Variants in N4BP3 observed in about 807,000 individuals in gnomAD.
N4BP3 encodes NEDD4 binding protein 3.
A neutral mutation model predicts 43.8 loss-of-function variants in N4BP3; 33 were observed. The ratio of observed to expected loss-of-function variants is 0.75; its 90% CI spans 0.57 to 1.01. The LOEUF (loss-of-function observed/expected upper bound fraction) is 1.01, where lower values mean the gene tolerates loss of function less well. Among genes scored for constraint, N4BP3 ranks in the 50% least tolerant of loss-of-function variants. The pLI, the probability that N4BP3 is intolerant of heterozygous loss-of-function variation, is 0.00. For missense variants in N4BP3, 756 were observed against 744.2 expected, an observed-to-expected ratio of 1.02 and a Z score of -0.18; for synonymous variants, 326 against 321.9, an observed-to-expected ratio of 1.01 and a Z score of -0.14.
At position 178,122,716 on chromosome 5, in the gene N4BP3, T is replaced by C. The variant is rs1019384391; in HGVS notation, c.*715T>C. 5 of 152,192 alleles carry C rather than the reference T, an allele frequency of 3.3e-5. No individual in the cohort carries two copies. The highest frequency in any genetic ancestry group is 7.3e-5 in the Non-Finnish European group (5 of 68,058). The allele number at this position is 152,192 out of a possible 1,614,324, so 9.4% of individuals were successfully genotyped here. ...AGTCAACCAAGGCATTTTGAGAACA[T>C]GAAATGTCTTCTTGGTGGGAAGGCT... On this transcript the variant is annotated 3_prime_UTR_variant, in exon 5 of 5. Transcript: ENST00000274605.
chr5:178,126,789 T>C (rs1758073821), downstream of N4BP3, among the ~76,000 whole-genome samples: 1 of 152,166 alleles, frequency 6.6e-6, no homozygotes, highest in Non-Finnish European at 1.5e-5. Flanking sequence ...GGTGATACCA[T>C]CTCTTCTGAG....
chr5:178,121,137 A>G lies in N4BP3; in HGVS notation c.892A>G (p.Lys298Glu), dbSNP rs1221304653. Reference protein sequence around the residue: ...ERQRLWLAELKRLYVERLHEV... With the variant: ...ERQRLWLAELERLYVERLHEV... ...CCAGCGGCTGTGGCTGGCTGAGCTG[A>G]AGCGCCTGTATGTGGAGCGGCTGCA... The change falls in exon 4 of 5, where the codon AAG becomes GAG. Residue 298 changes from lysine (K) to glutamate (E), a missense_variant. Lys to Glu is a moderately conservative substitution (Grantham distance 56). Transcript: ENST00000274605. The G allele has an allele frequency of 2.5e-6, 4 of 1,599,404 alleles. No individual in the cohort carries two copies. The Admixed American group carries it at 5.0e-5, about 20-fold the overall frequency.
Position 178,120,317 on chromosome 5 carries a change from C to G in N4BP3, c.470C>G (p.Pro157Arg). 6.2e-7 allele frequency: 1 copy of G among 1,608,146 alleles called. No individual in the cohort carries two copies. The highest frequency in any genetic ancestry group is 2.2e-5 in the East Asian group (1 of 44,778). ...GSLHTLACHP[P>R]LSPGPRASQA... ...CTGCACACGCTGGCCTGCCACCCGC[C>G]CCTGAGCCCCGGGCCCCGGGCCAGC... The change falls in exon 3 of 5, where the codon CCC (proline) becomes CGC (arginine). Residue 157 changes from proline (P) to arginine (R), a missense_variant. By Grantham distance (103) the Pro-to-Arg change is moderately radical. Coordinates refer to ENST00000274605, the MANE Select transcript of N4BP3 (RefSeq NM_015111.2).
At chr5:178,114,381 G>A (rs982580301) in intron 1 of N4BP3, among the ~76,000 whole-genome samples, 18 of 152,234 alleles carry the variant, frequency 1.2e-4, no homozygotes, top group Admixed American at 2.0e-4. Context: ...CGGTCCACCA[G>A]GCTGCAGCTG....
At position 178,120,506 on chromosome 5, in the gene N4BP3, G is replaced by T. The variant is rs199651803; in HGVS notation, c.659G>T (p.Gly220Val). The change falls in exon 3 of 5, where the codon GGC becomes GTC. Residue 220 changes from glycine (G) to valine (V), a missense_variant. By Grantham distance (109) the Gly-to-Val change is moderately radical (BLOSUM62 -3). Transcript: ENST00000274605. ...SSLGHLNHLG[G>V]SLDRASQGPK... Reference sequence around the variant, plus strand: ...CTTGGCCACCTTAACCACCTCGGGGGCTCCCTGGACCGGGCCTCTCAAGGA... The same window carrying T: ...CTTGGCCACCTTAACCACCTCGGGGTCTCCCTGGACCGGGCCTCTCAAGGA... The T allele has an allele frequency of 1.2e-6, 2 of 1,612,946 alleles. No individual in the cohort carries two copies. Among genetic ancestry groups the T allele is most frequent in the Non-Finnish European group, 1.7e-6 (2 of 1,180,018 alleles).
Position 178,120,492 on chromosome 5 carries a change from T to C in N4BP3, c.645T>C (p.Leu215=), listed in dbSNP as rs373000303. Residue 215 remains leucine (L), a synonymous_variant, in exon 3 of 5, where the codon CTT becomes CTC. Transcript: ENST00000274605. ...CCTTCAGCTCCTCCCTTGGCCACCTTAACCACCTCGGGGGCTCCCTGGACC... is the reference window on the plus strand; with the variant it reads ...CCTTCAGCTCCTCCCTTGGCCACCTCAACCACCTCGGGGGCTCCCTGGACC... ...PSPFSSSLGH[L]NHLGGSLDRA... is the part of the protein sequence containing the mutation. 1.2e-6 allele frequency: 2 copies of C among 1,613,046 alleles called. No individual in the cohort carries two copies. Among genetic ancestry groups the C allele is most frequent in the Non-Finnish European group, 8.5e-7 (1 of 1,179,990 alleles).
rs1443581802 is a variant in N4BP3, at chr5:178,121,741, A to G, written c.1375A>G (p.Ser459Gly). 6.2e-7 allele frequency: 1 copy of G among 1,608,088 alleles called. No homozygotes were observed. The highest frequency in any genetic ancestry group is 1.1e-5 in the South Asian group (1 of 91,064). Residue 459 changes from serine to glycine, a missense_variant, in exon 5 of 5, where the codon AGC (serine) becomes GGC (glycine). Coordinates refer to ENST00000274605, the MANE Select transcript of N4BP3 (RefSeq NM_015111.2). ...GGGCCTGCTAGGGGAGGCAGGAGGCAGCGAGGCCAGAGACAGTGCTGAGCA... is the reference window on the plus strand; with the variant it reads ...GGGCCTGCTAGGGGAGGCAGGAGGCGGCGAGGCCAGAGACAGTGCTGAGCA... ...SRGLLGEAGG[S>G]EARDSAEQLR...
chr5:178,121,847 A>T lies in N4BP3; in HGVS notation c.1481A>T (p.Gln494Leu). ...TTTGAGCAGGAGCGGCGGACTTGGC[A>T]GGAGGAGAAGGAGCGCGTGCTGCGC... ...LRFEQERRTW[Q>L]EEKERVLRYQ... Residue 494 changes from glutamine (Q) to leucine (L), a missense_variant, in exon 5 of 5, where the codon CAG becomes CTG. Transcript: ENST00000274605. 1 of 1,607,962 alleles carries T rather than the reference A, an allele frequency of 6.2e-7. No homozygotes were observed. Among genetic ancestry groups the T allele is most frequent in the African/African-American group, 1.3e-5 (1 of 75,012 alleles).
chr5:178,117,803 G>A (rs1338217390), intron 1 of N4BP3, among the ~76,000 whole-genome samples: 2 of 151,970 alleles, frequency 1.3e-5, no homozygotes, highest in South Asian at 2.1e-4. Context: ...ACCCGGATTC[G>A]CCCCATCCTG....
At position 178,122,868 on chromosome 5, in the gene N4BP3, G is replaced by A. The variant is rs1176173294; in HGVS notation, c.*867G>A. On this transcript the variant is annotated 3_prime_UTR_variant, in exon 5 of 5. Transcript: ENST00000274605. ...CTGCCTCATTCCCTGTTCGTAGGAA[G>A]GTGCAGGAGAGGAGGTGGGCAAGCT... 1 of 152,188 alleles carries A rather than the reference G, an allele frequency of 6.6e-6. No homozygotes were observed. The highest frequency in any genetic ancestry group is 1.5e-5 in the Non-Finnish European group (1 of 68,036). The allele number at this position is 152,188 out of a possible 1,614,324, so 9.4% of individuals were successfully genotyped here. A position where few individuals can be genotyped will look rare whatever the true frequency, so the allele number is the denominator to read the frequency against.
rs113315848 is a variant in N4BP3 at position 178,117,695 on chromosome 5, G to A, written c.-30-1859G>A. Among the ~76,000 whole-genome samples, 1,367 of 149,494 alleles carry A rather than the reference G, an allele frequency of 9.1e-3. 18 individuals are homozygous for A. The highest frequency in any genetic ancestry group is 0.032 in the African/African-American group (1,292 of 40,606). On this transcript the variant is annotated intron_variant, in intron 1 of 4. Transcript: ENST00000274605. ...CAGGACCCGTATGCAGGGCCAAGTC[G>A]CTGTAGGAACCCATCCCCTGTGATT... is the stretch of plus-strand genomic sequence containing the variant.
chr5:178,125,118 A>C lies in N4BP3; in HGVS notation c.*3117A>C, dbSNP rs1758027840. The C allele has an allele frequency of 6.6e-6, 1 of 152,286 alleles. No individual in the cohort carries two copies. Among genetic ancestry groups the C allele is most frequent in the Non-Finnish European group, 1.5e-5 (1 of 68,110 alleles). The allele number at this position is 152,286 out of a possible 1,614,324, so 9.4% of individuals were successfully genotyped here. ...GAATGTTCGTTCACCATCCGTGGGC[A>C]CCAGGTCTGTGCCAAGCACAGGGAC... On this transcript the variant is annotated 3_prime_UTR_variant, in exon 5 of 5. Coordinates refer to ENST00000274605, the MANE Select transcript of N4BP3 (RefSeq NM_015111.2).
At position 178,121,202 on chromosome 5, in the gene N4BP3, C is replaced by A. The variant is rs1469121846; in HGVS notation, c.957C>A (p.Leu319=). ...TQKAERSERN[L]QLQLFMAQQE... ...AGGCTGAGCGCAGCGAGCGCAACCT[C>A]CAGCTGCAGCTGTTTATGGCTCAGC... is the stretch of plus-strand genomic sequence containing the variant. The change falls in exon 4 of 5, where the codon CTC becomes CTA. Residue 319 remains leucine (L), a synonymous_variant. Coordinates refer to ENST00000274605, the MANE Select transcript of N4BP3 (RefSeq NM_015111.2). 7 of 1,602,308 alleles carry A rather than the reference C, an allele frequency of 4.4e-6. No homozygotes were observed. In the South Asian group the frequency reaches 6.7e-5, roughly 15 times the overall value.
Position 178,122,224 on chromosome 5 carries a change from AGCCCTGCTTCCT to A in N4BP3, c.*225_*236del. ...GCAGAGGAGCACCTAGGCAGGGCCC[AGCCCTGCTTCCT>A]GGAGTGGATGTGGCCCAGAGAAGGA... On this transcript the variant is annotated 3_prime_UTR_variant, in exon 5 of 5. Coordinates refer to ENST00000274605, the MANE Select transcript of N4BP3 (RefSeq NM_015111.2). 2 of 550,042 alleles carry A rather than the reference AGCCCTGCTTCCT, an allele frequency of 3.6e-6. No homozygotes were observed. The highest frequency in any genetic ancestry group is 2.6e-5 in the South Asian group (1 of 38,292). 34.1% of individuals were successfully genotyped at this position (550,042 alleles called of 1,614,324 possible).
At chr5:178,117,638 A>AAG (rs148196961) in intron 1 of N4BP3, among the ~76,000 whole-genome samples, 2,806 of 108,314 alleles carry the variant, frequency 0.026, 259 homozygotes, top group East Asian at 0.1. Context: ...AAAAAAAAAA[A>AAG]GAAGGGACAA....
rs371807973 is a variant in N4BP3, at chr5:178,120,399, C to T, written c.552C>T (p.Pro184=). The T allele has an allele frequency of 2.4e-5, 38 of 1,612,860 alleles. No homozygotes were observed. The African/African-American group carries it at 2.9e-4, about 12-fold the overall frequency. Residue 184 remains proline, a synonymous_variant, in exon 3 of 5, where the codon CCC becomes CCT. Transcript: ENST00000274605. ...ALSLDEGGPE[P]EPSLSDSSSG... ...GCCTAGATGAGGGCGGCCCTGAGCC[C>T]GAGCCCAGCCTGTCCGACTCCTCCA...
In N4BP3 at chr5:178,120,489, C is replaced by G. The variant is rs778671252; in HGVS notation, c.642C>G (p.His214Gln). The change falls in exon 3 of 5, where the codon CAC (histidine) becomes CAG (glutamine). Residue 214 changes from histidine to glutamine, a missense_variant. Physicochemically the swap from His to Gln is conservative, Grantham distance 24. Coordinates refer to ENST00000274605, the MANE Select transcript of N4BP3 (RefSeq NM_015111.2). ...GPSPFSSSLGHLNHLGGSLDR... is the reference protein window; with the variant it reads ...GPSPFSSSLGQLNHLGGSLDR... ...GCCCCTTCAGCTCCTCCCTTGGCCACCTTAACCACCTCGGGGGCTCCCTGG... is the reference window on the plus strand; with the variant it reads ...GCCCCTTCAGCTCCTCCCTTGGCCAGCTTAACCACCTCGGGGGCTCCCTGG... The G allele has an allele frequency of 1.9e-6, 3 of 1,612,982 alleles. No homozygotes were observed. Among genetic ancestry groups the G allele is most frequent in the Admixed American group, 1.7e-5 (1 of 60,010 alleles).
Position 178,118,764 on chromosome 5 carries a change from G to A in N4BP3, c.-30-790G>A, listed in dbSNP as rs138632115. ...TTACCCCTCTCCCATGGGAAGGAGG[G>A]TCTCACTGGCCTTGGGTCTCTGTGC... On this transcript the variant is annotated intron_variant, in intron 1 of 4. Coordinates refer to ENST00000274605, the MANE Select transcript of N4BP3 (RefSeq NM_015111.2). The surrounding 1 kb of genome is among the most constrained non-coding windows in gnomAD (Gnocchi z 5.4). Among the ~76,000 whole-genome samples the A allele has an allele frequency of 3.3e-5, 5 of 152,276 alleles. No homozygotes were observed. Among genetic ancestry groups the A allele is most frequent in the African/African-American group, 1.2e-4 (5 of 41,548 alleles).
At chr5:178,121,021 G>A in intron 3 of N4BP3, 77 bp from the exon 4 acceptor site, 3 of 1,516,470 alleles carry the variant, frequency 2.0e-6, no homozygotes, top group South Asian at 1.3e-5. Context: ...TATGATCAGT[G>A]GCTGGAGTAT....
Sources: allele counts gnomAD v4.1 joint callset (sites outside exome capture counted in the v4.1 genomes callset), GRCh38; gene constraint gnomAD v4.1.1; non-coding constraint Gnocchi (gnomAD v3.1); transcripts MANE v1.5; gene names NCBI Gene and HGNC (gene_info 2026-07-23, HGNC 2026-07-21).